The following ZDHHC15 variants were observed in gnomAD, a reference collection of about 807,000 sequenced individuals.
ZDHHC15 encodes zDHHC palmitoyltransferase 15, also known as palmitoyltransferase ZDHHC15.
In ZDHHC15, 19 loss-of-function variants were observed where a neutral mutation model predicts 31.7. That is an observed-to-expected ratio of 0.60 (90% CI 0.42 to 0.88). ZDHHC15 has a LOEUF of 0.88. Ranked by LOEUF, ZDHHC15 falls within the 40% of genes least tolerant of loss-of-function variation. ZDHHC15 has a pLI of 0.00. For missense variants in ZDHHC15, 209 were observed against 251.2 expected (o/e 0.83, Z 1.14); for synonymous variants, 103 against 90.0 (o/e 1.14, Z -0.82).
intron 2 of ZDHHC15, among the ~76,000 whole-genome samples, chrX:75,485,376 T>C (rs2084760361): frequency 9.0e-6 from 1 of 111,411 alleles, no homozygotes; most frequent in Non-Finnish European, 1.9e-5. Context: ...CATACTCAAA[T>C]GTGTTAGGAC....
At chrX:75,494,005 A>T (rs1045845536) in intron 2 of ZDHHC15, among the ~76,000 whole-genome samples, 4 of 111,730 alleles carry the variant, frequency 3.6e-5, no homozygotes, top group South Asian at 7.5e-4. Context: ...CCCTGTTTGC[A>T]GATGACAGGA....
intron 3 of ZDHHC15, among the ~76,000 whole-genome samples, chrX:75,452,006 G>A (rs1238465765): frequency 9.0e-6 from 1 of 111,024 alleles, no homozygotes; most frequent in Non-Finnish European, 1.9e-5. Context: ...ACATCATAAT[G>A]ACAGGATCAA....
chrX:75,461,074 G>T (rs376631676), intron 3 of ZDHHC15, among the ~76,000 whole-genome samples: 2 of 111,704 alleles, frequency 1.8e-5, no homozygotes, highest in Admixed American at 1.9e-4. Context: ...AGCCAGAATA[G>T]CCACTTTAGG....
intron 2 of ZDHHC15, among the ~76,000 whole-genome samples, chrX:75,489,850 T>G (rs2084846085): frequency 9.0e-6 from 1 of 111,187 alleles, no homozygotes; most frequent in South Asian, 3.8e-4. Flanking sequence ...TGAAACAAAT[T>G]AGAGGAAAGG....
chrX:75,373,347 C>G (rs750731706), intron 11 of ZDHHC15, among the ~76,000 whole-genome samples: 15 of 111,457 alleles, frequency 1.3e-4, no homozygotes, highest in Non-Finnish European at 2.5e-4. Context: ...AAGCTGAATT[C>G]TAGCTTTGCC....
In ZDHHC15 at chrX:75,379,133, G is replaced by T. The variant is rs1229334570; in HGVS notation, c.*19C>A. 1 of 1,209,388 alleles carries T rather than the reference G, an allele frequency of 8.3e-7. No individual in the cohort carries two copies. On this transcript the variant is annotated 3_prime_UTR_variant, in exon 11 of 12. Coordinates refer to ENST00000373367, the MANE Select transcript of ZDHHC15 (RefSeq NM_144969.3). The stretch of plus-strand genomic sequence containing the variant: ...CAGAATACTGACCTGTCTGAGAGAT[G>T]CAGGAAATGTGAAAACTGCTATGTT...
At chrX:75,414,639 T>C (rs1325360273) in intron 10 of ZDHHC15, among the ~76,000 whole-genome samples, 2 of 99,534 alleles carry the variant, frequency 2.0e-5, no homozygotes, top group South Asian at 5.0e-4. Flanking sequence ...GGGGTTTCAC[T>C]GTGTTAGCCA....
intron 10 of ZDHHC15, chrX:75,384,527 C>T: frequency 1.2e-6 from 1 of 804,788 alleles, no homozygotes; most frequent in East Asian, 3.2e-5. Context: ...CATGGCAAAA[C>T]TGGAAGAGTC....
chrX:75,513,717 C>T (rs2085312365), intron 1 of ZDHHC15, among the ~76,000 whole-genome samples: 1 of 111,252 alleles, frequency 9.0e-6, no homozygotes, highest in East Asian at 2.8e-4. Context: ...GGCTAAAAAA[C>T]TTCATACATT....
At chrX:75,453,826 C>A (rs528319639) in intron 3 of ZDHHC15, among the ~76,000 whole-genome samples, 202 of 111,319 alleles carry the variant, frequency 1.8e-3, no homozygotes, top group African/African-American at 6.3e-3. Context: ...AGGCCTTTGA[C>A]AAAATTCCAC....
chrX:75,498,213 G>A (rs1041295611), intron 2 of ZDHHC15, among the ~76,000 whole-genome samples: 8 of 110,733 alleles, frequency 7.2e-5, no homozygotes, highest in East Asian at 2.8e-4. Flanking sequence ...GATTACAGGC[G>A]TGAGCCACCG....
intron 10 of ZDHHC15, among the ~76,000 whole-genome samples, chrX:75,412,541 C>A (rs1453857942): frequency 9.0e-6 from 1 of 110,758 alleles, no homozygotes; most frequent in African/African-American, 3.3e-5. Flanking sequence ...AAGCGATTCT[C>A]CTGCCTCAAC....
At chrX:75,497,114 G>A (rs2085013342) in intron 2 of ZDHHC15, among the ~76,000 whole-genome samples, 1 of 111,661 alleles carries the variant, frequency 9.0e-6, no homozygotes, top group South Asian at 3.7e-4. Flanking sequence ...TAAAAAGAGA[G>A]AAGTACAAAT....
Position 75,399,705 on chromosome X carries a change from G to T in ZDHHC15, c.967+17382C>A, listed in dbSNP as rs184338045. Among the ~76,000 whole-genome samples, 25 of 111,445 alleles carry T rather than the reference G, an allele frequency of 2.2e-4. 1 individual carries two copies. The highest frequency in any genetic ancestry group is 7.6e-4 in the Admixed American group (8 of 10,504). ...AGTCATGAACTACAGCCAGACTAAA[G>T]GGGGAGAGGAACCTTCACTTTCAGA... On this transcript the variant is annotated intron_variant, in intron 10 of 11. Coordinates refer to ENST00000373367, the MANE Select transcript of ZDHHC15 (RefSeq NM_144969.3).
At chrX:75,393,730 T>C (rs1220918571) in intron 10 of ZDHHC15, among the ~76,000 whole-genome samples, 3 of 111,748 alleles carry the variant, frequency 2.7e-5, no homozygotes, top group Non-Finnish European at 5.6e-5. Context: ...CCAAAATCTG[T>C]ATTAGTCAGC....
intron 3 of ZDHHC15, among the ~76,000 whole-genome samples, chrX:75,453,499 T>A (rs970331269): frequency 9.0e-6 from 1 of 111,349 alleles, no homozygotes; most frequent in Non-Finnish European, 1.9e-5. Context: ...ACTATTTCAA[T>A]TGATAGAAAA....
chrX:75,494,519 C>A (rs1293269097), intron 2 of ZDHHC15, among the ~76,000 whole-genome samples: 1 of 111,713 alleles, frequency 9.0e-6, no homozygotes, highest in South Asian at 3.7e-4. Flanking sequence ...ATCATGCTAC[C>A]TGACTTCAAA....
chrX:75,379,049 C>T lies in ZDHHC15; in HGVS notation c.*32+71G>A, dbSNP rs773131582. 1.4e-5 allele frequency: 12 copies of T among 828,855 alleles called. No individual in the cohort carries two copies. In the East Asian group the frequency reaches 3.8e-4, roughly 26 times the overall value. 68.3% of individuals were successfully genotyped at this position (828,855 alleles called of 1,213,427 possible). A position where few individuals can be genotyped will look rare whatever the true frequency, so the allele number is the denominator to read the frequency against. ...CCCAGGATAAGAACTTATTTCTTTT[C>T]TAGTTCTTCTCCCAAGCCGCCTTCT... is the stretch of plus-strand genomic sequence containing the variant. On this transcript the variant is annotated intron_variant, in intron 11 of 11. Transcript: ENST00000373367.
chrX:75,437,519 G>C (rs368949915), intron 4 of ZDHHC15, among the ~76,000 whole-genome samples: 1 of 90,182 alleles, frequency 1.1e-5, no homozygotes, highest in African/African-American at 4.1e-5. Context: ...TCCCACCTAT[G>C]AGTGAGAATA....
Sources: gnomAD v4.1 joint callset for allele counts (sites outside exome capture counted in the v4.1 genomes callset) on GRCh38, gnomAD v4.1.1 for gene constraint, MANE v1.5 for transcripts, NCBI Gene and HGNC (gene_info 2026-07-23, HGNC 2026-07-21) for gene names.